MICU2: variants seen among roughly 807,000 people sequenced by gnomAD.
MICU2 encodes calcium uptake protein 2, mitochondrial.
A neutral mutation model predicts 60.4 loss-of-function variants in MICU2; 64 were observed. The observed-to-expected ratio is 1.06, with a 90% CI of 0.87 to 1.31. The LOEUF (loss-of-function observed/expected upper bound fraction) is 1.31. Among genes scored for constraint, MICU2 ranks in the 50% most tolerant of loss-of-function variants. The pLI is 0.00. For missense variants in MICU2, 569 were observed against 531.0 expected (o/e 1.07, Z -0.70); for synonymous variants, 201 against 175.0 (o/e 1.15, Z -1.17).
chr13:21,574,380 T>C (rs953860666), intron 1 of MICU2, among the ~76,000 whole-genome samples: 2 of 152,216 alleles, frequency 1.3e-5, no homozygotes, highest in African/African-American at 4.8e-5. Flanking sequence ...AAATGCTCCA[T>C]GGATTTCAAG....
At chr13:21,579,831 C>A (rs1013583432) in intron 1 of MICU2, among the ~76,000 whole-genome samples, 1 of 152,008 alleles carries the variant, frequency 6.6e-6, no homozygotes, top group Admixed American at 6.5e-5. Context: ...AAAAAAAAAT[C>A]TATGCTCTCA....
intron 7 of MICU2, 128 bp downstream of exon 7, chr13:21,514,225 G>C: frequency 2.8e-6 from 2 of 704,670 alleles, no homozygotes; most frequent in South Asian, 3.7e-5. Context: ...AAGTTATGTG[G>C]TGCATGACTG....
chr13:21,516,468 T>C (rs2041338363), intron 6 of MICU2, among the ~76,000 whole-genome samples: 1 of 152,216 alleles, frequency 6.6e-6, no homozygotes, highest in African/African-American at 2.4e-5. Context: ...AATCACCTGT[T>C]GATAGGTGTT....
rs551612254 is a variant in MICU2, at chr13:21,514,494, C to T, written c.598-76G>A. The T allele has an allele frequency of 5.1e-4, 514 of 1,009,794 alleles. 2 individuals are homozygous for T. In the African/African-American group the frequency reaches 7.8e-3, roughly 15 times the overall value. 62.6% of individuals were successfully genotyped at this position (1,009,794 alleles called of 1,614,324 possible). On this transcript the variant is annotated intron_variant, in intron 6 of 11. Transcript: ENST00000382374. ...AAACAACCTAAAAAATAGATGCCAACTTATTGTTATAAAATATATACTAGT... is the reference window on the plus strand; with the variant it reads ...AAACAACCTAAAAAATAGATGCCAATTTATTGTTATAAAATATATACTAGT...
intron 4 of MICU2, among the ~76,000 whole-genome samples, chr13:21,530,139 C>T (rs1183533612): frequency 6.6e-6 from 1 of 152,224 alleles, no homozygotes; most frequent in South Asian, 2.1e-4. Context: ...TTACATCTTA[C>T]AGTCCTGATT....
intron 7 of MICU2, among the ~76,000 whole-genome samples, chr13:21,512,771 G>A (rs1216127490): frequency 6.6e-6 from 1 of 152,092 alleles, no homozygotes; most frequent in Non-Finnish European, 1.5e-5. Context: ...TGTTGCTTGT[G>A]ATTTTAGTAT....
At chr13:21,591,028 G>A (rs968904581) in intron 1 of MICU2, among the ~76,000 whole-genome samples, 6 of 152,094 alleles carry the variant, frequency 3.9e-5, no homozygotes, top group Non-Finnish European at 7.4e-5. Context: ...AAATTCACAC[G>A]TAACAATAGT....
chr13:21,528,400 A>C (rs1363477070), intron 4 of MICU2, among the ~76,000 whole-genome samples: 1 of 152,182 alleles, frequency 6.6e-6, no homozygotes, highest in African/African-American at 2.4e-5. Flanking sequence ...TTTAAGTTGG[A>C]AATGTACATG....
chr13:21,548,045 T>TG lies in MICU2; in HGVS notation c.359-8358dup, dbSNP rs1297114861. On this transcript the variant is annotated intron_variant, in intron 2 of 11. Coordinates refer to ENST00000382374, the MANE Select transcript of MICU2 (RefSeq NM_152726.3). The stretch of plus-strand genomic sequence containing the variant: ...TTCACTATAGCATTATTTATAACAG[T>TG]GAAAAAATAGACAAATGTTCTACCA... 3.9e-5 allele frequency among the ~76,000 whole-genome samples: 6 copies of TG among 152,056 alleles called. No homozygotes were observed. In the East Asian group the frequency reaches 1.2e-3, roughly 29 times the overall value.
At chr13:21,534,572 A>T (rs1593331139) in intron 4 of MICU2, among the ~76,000 whole-genome samples, 1 of 152,110 alleles carries the variant, frequency 6.6e-6, no homozygotes, top group African/African-American at 2.4e-5. Flanking sequence ...GGAAATATTT[A>T]AAAAAACACG....
At chr13:21,510,138 A>G in intron 7 of MICU2, 37 bp from the exon 8 acceptor site, 5 of 1,072,748 alleles carry the variant, frequency 4.7e-6, no homozygotes, top group Non-Finnish European at 6.3e-6. Flanking sequence ...AATAATTATA[A>G]ATAAGAATAA....
intron 4 of MICU2, among the ~76,000 whole-genome samples, chr13:21,528,861 C>T (rs148877420): frequency 4.6e-5 from 7 of 152,110 alleles, no homozygotes; most frequent in South Asian, 4.1e-4. Flanking sequence ...GTGAAGCTTG[C>T]GTTAATTCTC....
At position 21,604,134 on chromosome 13, in the gene MICU2, C is replaced by G. The variant is rs760058901; in HGVS notation, c.15G>C (p.Ala5=). 6.4e-7 allele frequency: 1 copy of G among 1,561,030 alleles called. No homozygotes were observed. The highest frequency in any genetic ancestry group is 1.2e-5 in the South Asian group (1 of 85,522). The change falls in exon 1 of 12, where the codon GCG becomes GCC. Residue 5 remains alanine, a synonymous_variant. Transcript: ENST00000382374. The stretch of plus-strand genomic sequence containing the variant: ...AGGCCGCCACCCGCGCGCAGCTACC[C>G]GCAGCCGCCGCCATCTTTGCGGAAG... MAAA[A]GSCARVAAWG... is the part of the protein sequence containing the mutation.
chr13:21,553,495 T>C (rs1887625375), intron 2 of MICU2, among the ~76,000 whole-genome samples: 1 of 151,782 alleles, frequency 6.6e-6, no homozygotes, highest in Non-Finnish European at 1.5e-5. Flanking sequence ...AGAGAGGGCA[T>C]CCCCACCAGG....
intron 5 of MICU2, among the ~76,000 whole-genome samples, chr13:21,522,269 T>A (rs1432321649): frequency 6.6e-6 from 1 of 152,252 alleles, no homozygotes; most frequent in African/African-American, 2.4e-5. Flanking sequence ...CTCAGTCTTT[T>A]CTTGTTTTCC....
chr13:21,563,909 A>T (rs1019874658), intron 2 of MICU2, among the ~76,000 whole-genome samples: 2 of 151,786 alleles, frequency 1.3e-5, no homozygotes, highest in Non-Finnish European at 2.9e-5. Flanking sequence ...TCCTGGGCTC[A>T]AGTGATCCTC....
Position 21,604,128 on chromosome 13 carries a change from G to A in MICU2, c.21C>T (p.Ser7=), listed in dbSNP as rs1177997910. MAAAAG[S]CARVAAWGGK... ...CGCCCCAGGCCGCCACCCGCGCGCA[G>A]CTACCCGCAGCCGCCGCCATCTTTG... The change falls in exon 1 of 12, where the codon AGC becomes AGT. Residue 7 remains serine (S), a synonymous_variant. Transcript: ENST00000382374. 1.3e-6 allele frequency: 2 copies of A among 1,566,128 alleles called. No individual in the cohort carries two copies. The highest frequency in any genetic ancestry group is 1.7e-6 in the Non-Finnish European group (2 of 1,158,422).
chr13:21,542,887 A>T (rs1326683761), intron 2 of MICU2, among the ~76,000 whole-genome samples: 1 of 152,204 alleles, frequency 6.6e-6, no homozygotes, highest in Non-Finnish European at 1.5e-5. Flanking sequence ...GTTCTTATAG[A>T]TCCAATAAAT....
At chr13:21,497,943 C>T (rs1173438143) in intron 9 of MICU2, among the ~76,000 whole-genome samples, 3 of 152,162 alleles carry the variant, frequency 2.0e-5, no homozygotes, top group South Asian at 2.1e-4. Flanking sequence ...TTAGTAGAGA[C>T]GAGATCTCGC....
Sources: allele counts gnomAD v4.1 joint callset (sites outside exome capture counted in the v4.1 genomes callset), GRCh38; gene constraint gnomAD v4.1.1; transcripts MANE v1.5; gene names NCBI Gene and HGNC (gene_info 2026-07-23, HGNC 2026-07-21).